Variants in CACNA1B observed in about 807,000 individuals in gnomAD.
CACNA1B encodes the protein voltage-dependent N-type calcium channel subunit alpha-1B.
A neutral mutation model predicts 247.2 loss-of-function variants in CACNA1B; 70 were observed. That is an observed-to-expected ratio of 0.28 (90% CI 0.23 to 0.35). The LOEUF (loss-of-function observed/expected upper bound fraction) is 0.35, where lower values mean the gene tolerates loss of function less well. Among genes scored for constraint, CACNA1B ranks in the 10% least tolerant of loss-of-function variants. The pLI, the probability that CACNA1B is intolerant of heterozygous loss-of-function variation, is 1.00. For synonymous variants in CACNA1B, 1,231 were observed against 1,294.4 expected, an observed-to-expected ratio of 0.95 and a Z score of 1.05; for missense variants, 2,367 against 3,197.4, an observed-to-expected ratio of 0.74 and a Z score of 6.26.
At chr9:138,108,740 C>CAA (rs1961524362) in intron 39 of CACNA1B, among the ~76,000 whole-genome samples, 1 of 152,114 alleles carries the variant, frequency 6.6e-6, no homozygotes, top group Non-Finnish European at 1.5e-5. Flanking sequence ...GCTCTGCCTC[C>CAA]TGGGTTCACG....
intron 20 of CACNA1B, among the ~76,000 whole-genome samples, chr9:138,036,843 A>T (rs2133458110): frequency 6.6e-6 from 1 of 152,328 alleles, no homozygotes; most frequent in East Asian, 1.9e-4. Context: ...ATACGCCAAT[A>T]AGCATGTCTG....
intron 6 of CACNA1B, among the ~76,000 whole-genome samples, chr9:137,941,587 C>T (rs904429962): frequency 3.9e-5 from 6 of 152,126 alleles, no homozygotes; most frequent in Non-Finnish European, 8.8e-5. Flanking sequence ...CATCACATTA[C>T]CCAACCTCAA....
At chr9:137,922,974 T>A (rs1957504425) in intron 6 of CACNA1B, among the ~76,000 whole-genome samples, 1 of 152,212 alleles carries the variant, frequency 6.6e-6, no homozygotes, top group South Asian at 2.1e-4. Context: ...CAACCACTAA[T>A]CTGTTTGCCA....
At chr9:138,004,549 CAA>C (rs762250306) in intron 15 of CACNA1B, among the ~76,000 whole-genome samples, 60 of 62,354 alleles carry the variant, frequency 9.6e-4, no homozygotes, top group Middle Eastern at 0.01. Flanking sequence ...GACCCTGTCT[CAA>C]AAAAAAAAAA....
chr9:137,900,119 A>G (rs1285604529), intron 3 of CACNA1B, among the ~76,000 whole-genome samples: 1 of 152,054 alleles, frequency 6.6e-6, no homozygotes, highest in Non-Finnish European at 1.5e-5. Context: ...AGGTGGCTAG[A>G]CCAGGCCTGA....
chr9:138,022,980 G>A (rs921210053), intron 18 of CACNA1B, 31 bp from the exon 19 acceptor site: 21 of 1,456,640 alleles, frequency 1.4e-5, no homozygotes, highest in Non-Finnish European at 1.8e-5. Context: ...GGCGGCAGAC[G>A]GGGCCGCGCT....
chr9:138,057,834 G>A lies in CACNA1B; in HGVS notation c.4071G>A (p.Thr1357=), dbSNP rs201831671. 49 of 1,609,520 alleles carry A rather than the reference G, an allele frequency of 3.0e-5. 1 individual carries two copies. In the Admixed American group the frequency reaches 7.0e-4, roughly 23 times the overall value. Residue 1357 remains threonine, a synonymous_variant, in exon 27 of 47, where the codon ACG becomes ACA. Transcript: ENST00000371372. The surrounding 1 kb of genome is among the most constrained non-coding windows in gnomAD (Gnocchi z 4.0). ...HYDNVLWALL[T]LFTVSTGEGW... ...ACAATGTGCTCTGGGCTCTGCTGAC[G>A]CTGTTCACAGTGTCCACGGGAGAAG...
intron 31 of CACNA1B, among the ~76,000 whole-genome samples, chr9:138,067,072 T>G (rs1959946037): frequency 6.6e-6 from 1 of 152,178 alleles, no homozygotes; most frequent in Non-Finnish European, 1.5e-5. Flanking sequence ...GTAACGTGAA[T>G]AACGTGAAGG....
intron 6 of CACNA1B, among the ~76,000 whole-genome samples, chr9:137,938,187 G>GT (rs1054449453): frequency 2.6e-5 from 4 of 151,988 alleles, no homozygotes; most frequent in African/African-American, 9.7e-5. Context: ...TGGAAAGATA[G>GT]TTTTTTTCAG....
In CACNA1B at chr9:137,974,029, C is replaced by T. The variant is rs771499315; in HGVS notation, c.1544-1878C>T. 2.0e-5 allele frequency among the ~76,000 whole-genome samples: 3 copies of T among 152,300 alleles called. No individual in the cohort carries two copies. Among genetic ancestry groups the T allele is most frequent in the African/African-American group, 4.8e-5 (2 of 41,564 alleles). On this transcript the variant is annotated intron_variant, in intron 11 of 46. Coordinates refer to ENST00000371372, the MANE Select transcript of CACNA1B (RefSeq NM_000718.4). The surrounding 1 kb of genome is among the most constrained non-coding windows in gnomAD (Gnocchi z 4.5). The stretch of plus-strand genomic sequence containing the variant: ...CTCTCCTCCCTGGGTCCGAGCCCCT[C>T]GTGTGGGGAGCCCGAGGCCTTTGTG...
Position 137,886,462 on chromosome 9 carries a change from TG to T in CACNA1B, c.530+3582del, listed in dbSNP as rs202064843. ...CTGGCCCTGTGTCTGTCCAGCCAGG[TG>T]GGCAGCCCTGCTGCCAGCCCTCCCT... On this transcript the variant is annotated intron_variant, in intron 3 of 46. Transcript: ENST00000371372. Among the ~76,000 whole-genome samples, 435 of 151,866 alleles carry T rather than the reference TG, an allele frequency of 2.9e-3. 8 individuals are homozygous for T. In the East Asian group the frequency reaches 0.064, roughly 22 times the overall value.
chr9:138,046,349 CA>C (rs1298851565), intron 21 of CACNA1B, among the ~76,000 whole-genome samples: 1 of 152,224 alleles, frequency 6.6e-6, no homozygotes, highest in Non-Finnish European at 1.5e-5. Context: ...GGAGCGTGTT[CA>C]CATGCACCCT....
At position 137,891,593 on chromosome 9, in the gene CACNA1B, G is replaced by A. The variant is rs765465443; in HGVS notation, c.530+8710G>A. On this transcript the variant is annotated intron_variant, in intron 3 of 46. Coordinates refer to ENST00000371372, the MANE Select transcript of CACNA1B (RefSeq NM_000718.4). This position sits in a 1 kb window ranked among gnomAD's most constrained non-coding sequence, Gnocchi z 4.3. ...GGAGGGTGGGAGCCTTGCTCCTGTG[G>A]GCACGTGGTGGTGGACACCCCTTCC... is the stretch of plus-strand genomic sequence containing the variant. The A allele has an allele frequency of 2.4e-4, 46 of 195,284 alleles. 2 individuals are homozygous for A. Among genetic ancestry groups the A allele is most frequent in the African/African-American group, 9.5e-4 (40 of 42,158 alleles). 12.1% of individuals were successfully genotyped at this position (195,284 alleles called of 1,614,324 possible). A position where few individuals can be genotyped will look rare whatever the true frequency, so the allele number is the denominator to read the frequency against.
In CACNA1B at chr9:137,966,285, C is replaced by T. The variant is rs376333470; in HGVS notation, c.1334-5098C>T. Among the ~76,000 whole-genome samples the T allele has an allele frequency of 3.8e-4, 54 of 142,154 alleles. No homozygotes were observed. The South Asian group carries it at 4.9e-3, about 13-fold the overall frequency. 93.3% of individuals were successfully genotyped at this position (142,154 alleles called of 152,430 possible). ...TGTTGCCCAGGCTGGAGTGCAGTGGCGCGATCTTGGCTCACTGCAAGCTCT... is the reference window on the plus strand; with the variant it reads ...TGTTGCCCAGGCTGGAGTGCAGTGGTGCGATCTTGGCTCACTGCAAGCTCT... On this transcript the variant is annotated intron_variant, in intron 10 of 46. Transcript: ENST00000371372.
At position 138,121,975 on chromosome 9, in the gene CACNA1B, C is replaced by T; in HGVS notation, c.6996C>T (p.His2332=). Reference sequence around the variant, plus strand: ...GCCGAGCACGGCACAGCTACCACCACCCTGACCAAGACCACTGGTGCTAGC... The same window carrying T: ...GCCGAGCACGGCACAGCTACCACCATCCTGACCAAGACCACTGGTGCTAGC... The part of the protein sequence containing the change: ...SGGRARHSYH[H]PDQDHWC The change falls in exon 47 of 47, where the codon CAC becomes CAT. Residue 2332 remains histidine (H), a synonymous_variant. Coordinates refer to ENST00000371372, the MANE Select transcript of CACNA1B (RefSeq NM_000718.4). The surrounding 1 kb of genome is among the most constrained non-coding windows in gnomAD (Gnocchi z 6.8). 2.5e-6 allele frequency: 4 copies of T among 1,600,968 alleles called. No individual in the cohort carries two copies. The highest frequency in any genetic ancestry group is 3.4e-6 in the Non-Finnish European group (4 of 1,179,658).
chr9:138,027,719 C>T (rs1197912839), intron 20 of CACNA1B, among the ~76,000 whole-genome samples: 3 of 151,932 alleles, frequency 2.0e-5, no homozygotes, highest in Non-Finnish European at 4.4e-5. Context: ...TTTTTTTCTC[C>T]TTAGATATGG....
intron 10 of CACNA1B, among the ~76,000 whole-genome samples, chr9:137,958,250 C>G (rs1957972319): frequency 6.6e-6 from 1 of 152,222 alleles, no homozygotes; most frequent in South Asian, 2.1e-4. Flanking sequence ...CGTACACACA[C>G]ATACACTTAA....
In CACNA1B at chr9:138,023,642, CGGGAGGCGGAGAGCG is replaced by C; in HGVS notation, c.2906_2920del (p.Ala969_Glu973del). The C allele has an allele frequency of 7.1e-7, 1 of 1,403,494 alleles. No homozygotes were observed. The highest frequency in any genetic ancestry group is 9.3e-7 in the Non-Finnish European group (1 of 1,070,934). 86.9% of individuals were successfully genotyped at this position (1,403,494 alleles called of 1,614,324 possible). A position where few individuals can be genotyped will look rare whatever the true frequency, so the allele number is the denominator to read the frequency against. Reference sequence around the variant, plus strand: ...CCGCGGCGGCCCCCGAGCGGGGCCCCGGGAGGCGGAGAGCGGGGAGGAGCCGGCGCGGCGGCACCG... The same window carrying C: ...CCGCGGCGGCCCCCGAGCGGGGCCCCGGGAGGAGCCGGCGCGGCGGCACCG... On this transcript the variant is annotated inframe_deletion, in exon 19 of 47. Transcript: ENST00000371372.
At chr9:137,978,781 C>T (rs1958259517) in intron 12 of CACNA1B, among the ~76,000 whole-genome samples, 1 of 152,138 alleles carries the variant, frequency 6.6e-6, no homozygotes, top group South Asian at 2.1e-4. Context: ...GTGACTGGCC[C>T]CAGGCTGCCC....
Sources: allele counts gnomAD v4.1 joint callset (sites outside exome capture counted in the v4.1 genomes callset), GRCh38; gene constraint gnomAD v4.1.1; non-coding constraint Gnocchi (gnomAD v3.1); transcripts MANE v1.5; gene names NCBI Gene and HGNC (gene_info 2026-07-23, HGNC 2026-07-21).